TRIM61: variants seen among roughly 807,000 people sequenced by gnomAD.
TRIM61 encodes tripartite motif containing 61, also known as putative tripartite motif-containing protein 61.
A neutral mutation model predicts 14.2 loss-of-function variants in TRIM61; 1 was observed. The ratio of observed to expected loss-of-function variants is 0.07; its 90% CI spans 0.03 to 0.33. The LOEUF (loss-of-function observed/expected upper bound fraction) is 0.33. Among genes scored for constraint, TRIM61 ranks in the 10% least tolerant of loss-of-function variants. The pLI is 0.99. For missense variants in TRIM61, 19 were observed against 202.2 expected (o/e 0.09, Z 5.49); for synonymous variants, 8 against 71.6 (o/e 0.11, Z 4.49).
intron 3 of TRIM61, among the ~76,000 whole-genome samples, chr4:164,966,692 C>T (rs1451962322): frequency 6.6e-6 from 1 of 152,220 alleles, no homozygotes; most frequent in East Asian, 1.9e-4. Flanking sequence ...GTGGGTGGAT[C>T]ACCTGAGGTC....
chr4:164,955,606 A>G (rs964873247), intron 3 of TRIM61, among the ~76,000 whole-genome samples: 2 of 151,070 alleles, frequency 1.3e-5, no homozygotes, highest in Admixed American at 6.6e-5. Context: ...TTTCCAGAAG[A>G]TATGTCTTTA....
intron 3 of TRIM61, among the ~76,000 whole-genome samples, chr4:164,955,988 A>G (rs1731979699): frequency 6.6e-6 from 1 of 152,260 alleles, no homozygotes; most frequent in South Asian, 2.1e-4. Flanking sequence ...GCTCAAAGAA[A>G]AGAGTAAGAG....
intron 1 of TRIM61, among the ~76,000 whole-genome samples, chr4:164,977,303 T>A (rs961954440): frequency 1.8e-4 from 27 of 152,168 alleles, no homozygotes; most frequent in African/African-American, 6.5e-4. Context: ...TCATAAACCC[T>A]AATTCAGATC....
intron 3 of TRIM61, among the ~76,000 whole-genome samples, chr4:164,962,606 A>G (rs777152637): frequency 6.6e-6 from 1 of 151,972 alleles, no homozygotes; most frequent in Non-Finnish European, 1.5e-5. Context: ...ACCAATTAGC[A>G]TATTTATCAA....
rs1488800347 is a variant in TRIM61 at position 164,965,464 on chromosome 4, T to C, written c.525+4014A>G. Among the ~76,000 whole-genome samples the C allele has an allele frequency of 5.6e-5, 8 of 143,314 alleles. No individual in the cohort carries two copies. The South Asian group carries it at 1.2e-3, about 21-fold the overall frequency. 94.0% of individuals were successfully genotyped at this position (143,314 alleles called of 152,430 possible). On this transcript the variant is annotated intron_variant, in intron 3 of 4. Coordinates refer to ENST00000329314, the MANE Select transcript of TRIM61 (RefSeq NM_001012414.3). The stretch of plus-strand genomic sequence containing the variant: ...GCCTATGCTTTTTTTTTTTTTTTTT[T>C]GAGATGATACCCAGGCTGGAGTGCA...
rs376652851 is a variant in TRIM61, at chr4:164,970,744, TACA to T, written c.-337-408_-337-406del. Among the ~76,000 whole-genome samples the T allele has an allele frequency of 3.4e-4, 51 of 151,914 alleles. 2 individuals carry two copies. The East Asian group carries it at 8.9e-3, about 27-fold the overall frequency. On this transcript the variant is annotated intron_variant, in intron 2 of 4. Coordinates refer to ENST00000329314, the MANE Select transcript of TRIM61 (RefSeq NM_001012414.3). ...AAGGAGAGGAAACAAACATGATAAA[TACA>T]ACGTGTGACCCCTGATTGAATCTGA...
At chr4:164,957,264 G>T in intron 3 of TRIM61, 2 of 1,614,182 alleles carry the variant, frequency 1.2e-6, no homozygotes, top group African/African-American at 2.7e-5. Flanking sequence ...TGGGAGAAGC[G>T]AATCGTTTTC....
chr4:164,959,022 A>T (rs1044342023), intron 3 of TRIM61: 1 of 167,070 alleles, frequency 6.0e-6, no homozygotes, highest in African/African-American at 2.4e-5. Context: ...CGTTCATATG[A>T]CTATATAATT....
chr4:164,955,177 C>G (rs1051319303), intron 3 of TRIM61: 5 of 158,966 alleles, frequency 3.1e-5, no homozygotes, highest in African/African-American at 1.2e-4. Context: ...TTGGTTCACT[C>G]TTTACTCTGA....
chr4:164,965,862 C>T (rs559623776), intron 3 of TRIM61, among the ~76,000 whole-genome samples: 16 of 152,220 alleles, frequency 1.1e-4, no homozygotes, highest in Non-Finnish European at 2.1e-4. Flanking sequence ...GGTTAAATAT[C>T]AGGATAGACT....
At chr4:164,967,014 T>G (rs146641204) in intron 3 of TRIM61, among the ~76,000 whole-genome samples, 3,059 of 152,192 alleles carry the variant, frequency 0.02, 43 homozygotes, top group Middle Eastern at 0.11. Context: ...GACATGACTA[T>G]CTCTACGGAA....
intron 3 of TRIM61, chr4:164,957,505 G>C (rs1196146691): frequency 1.3e-6 from 2 of 1,592,326 alleles, no homozygotes; most frequent in Non-Finnish European, 8.6e-7. Context: ...AGAGCAGGCT[G>C]CCTCAAGGAA....
At chr4:164,976,506 C>T (rs1338729374) in intron 2 of TRIM61, among the ~76,000 whole-genome samples, 182 bp downstream of exon 2, 2 of 152,198 alleles carry the variant, frequency 1.3e-5, no homozygotes, top group Non-Finnish European at 2.9e-5. Flanking sequence ...GCTCTGTAGG[C>T]ACAGTCACCA....
intron 2 of TRIM61, among the ~76,000 whole-genome samples, chr4:164,970,582 A>G (rs1732341958): frequency 6.6e-6 from 1 of 152,200 alleles, no homozygotes; most frequent in Non-Finnish European, 1.5e-5. Flanking sequence ...TGCCTATATA[A>G]TATTCTTTCC....
chr4:164,964,546 G>A (rs1224693976), intron 3 of TRIM61, among the ~76,000 whole-genome samples: 3 of 149,752 alleles, frequency 2.0e-5, no homozygotes, highest in Admixed American at 6.8e-5. Flanking sequence ...TAACTGCCAC[G>A]AACTGCCCAA....
In TRIM61 at chr4:164,969,901, G is replaced by C; in HGVS notation, c.102C>G (p.Asn34Lys). The C allele has an allele frequency of 6.2e-7, 1 of 1,613,858 alleles. No individual in the cohort carries two copies. The highest frequency in any genetic ancestry group is 8.5e-7 in the Non-Finnish European group (1 of 1,179,794). The stretch of plus-strand genomic sequence containing the variant: ...ACATAATGATGCAGGAGAGACAGAA[G>C]TTATGCCCACAGCTGATGGTCACTG... The change falls in exon 3 of 5, where the codon AAC (asparagine) becomes AAG (lysine). Residue 34 changes from asparagine to lysine, a missense_variant. This residue lies in a region of TRIM61 where 17 missense variants were observed against 105.5 expected (regional missense o/e 0.16). Coordinates refer to ENST00000329314, the MANE Select transcript of TRIM61 (RefSeq NM_001012414.3).
chr4:164,960,613 A>G (rs1430579555), intron 3 of TRIM61, among the ~76,000 whole-genome samples: 4 of 152,100 alleles, frequency 2.6e-5, no homozygotes, highest in Non-Finnish European at 5.9e-5. Context: ...TTGTGATACC[A>G]TATTAGGGTA....
intron 3 of TRIM61, among the ~76,000 whole-genome samples, chr4:164,966,553 G>C (rs1002384873): frequency 6.6e-6 from 1 of 152,188 alleles, no homozygotes; most frequent in Non-Finnish European, 1.5e-5. Context: ...TGGTTATAAA[G>C]CAATAGTTGT....
chr4:164,975,426 C>A (rs1052353188), intron 2 of TRIM61, among the ~76,000 whole-genome samples: 2 of 152,116 alleles, frequency 1.3e-5, no homozygotes, highest in East Asian at 3.9e-4. Flanking sequence ...AAAGGGAAGA[C>A]GTAAGAGACT....
Sources: gnomAD v4.1 joint callset for allele counts (sites outside exome capture counted in the v4.1 genomes callset) on GRCh38, gnomAD v4.1.1 for gene constraint, gnomAD v4.1.1 regional missense constraint, MANE v1.5 for transcripts, NCBI Gene and HGNC (gene_info 2026-07-23, HGNC 2026-07-21) for gene names.